The following RTN1 variants were observed in gnomAD, a reference collection of about 807,000 sequenced individuals.
RTN1 encodes reticulon 1, also known as reticulon-1.
A neutral mutation model predicts 65.5 loss-of-function variants in RTN1; 25 were observed. The observed-to-expected ratio is 0.38, with a 90% CI of 0.28 to 0.53. The LOEUF is 0.53. Among genes scored for constraint, RTN1 ranks in the 20% least tolerant of loss-of-function variants. The probability of loss-of-function intolerance (pLI) is 0.79; values close to 1 mark genes in which losing one functional copy is unlikely to be tolerated. For missense variants in RTN1, 983 were observed against 1,025.4 expected, an observed-to-expected ratio of 0.96 and a Z score of 0.57; for synonymous variants, 471 against 447.6, an observed-to-expected ratio of 1.05 and a Z score of -0.66.
intron 3 of RTN1, among the ~76,000 whole-genome samples, chr14:59,629,373 A>G (rs1004566727): frequency 6.6e-6 from 1 of 152,214 alleles, no homozygotes; most frequent in African/African-American, 2.4e-5. Flanking sequence ...ATTAAAGATA[A>G]AAGGACATCC....
chr14:59,745,603 A>T lies in RTN1; in HGVS notation c.1015+105T>A, dbSNP rs1474103432. 9 of 972,982 alleles carry T rather than the reference A, an allele frequency of 9.2e-6. No homozygotes were observed. In the South Asian group the frequency reaches 1.4e-4, roughly 16 times the overall value. 60.3% of individuals were successfully genotyped at this position (972,982 alleles called of 1,614,324 possible). A position where few individuals can be genotyped will look rare whatever the true frequency, so the allele number is the denominator to read the frequency against. On this transcript the variant is annotated intron_variant, in intron 2 of 8. Transcript: ENST00000267484. ...TAAATGAAATTTAAGGGGTCCAGAT[A>T]GTAAAGTATGTTGAATGAAAATTGT...
intron 1 of RTN1, among the ~76,000 whole-genome samples, chr14:59,752,037 T>C (rs1046878670): frequency 1.3e-5 from 2 of 152,132 alleles, no homozygotes; most frequent in Non-Finnish European, 2.9e-5. Context: ...GCTCCACTAA[T>C]ATAAACTACC....
intron 1 of RTN1, among the ~76,000 whole-genome samples, chr14:59,748,539 G>C (rs1487475626): frequency 1.3e-5 from 2 of 151,770 alleles, no homozygotes; most frequent in Non-Finnish European, 2.9e-5. Context: ...CCCACTCCTG[G>C]CAATCCTATT....
At chr14:59,610,649 T>G (rs1004661097) in intron 3 of RTN1, among the ~76,000 whole-genome samples, 19 of 152,208 alleles carry the variant, frequency 1.2e-4, no homozygotes, top group Admixed American at 5.2e-4. Context: ...TTAGGAGAAA[T>G]TTAGTTTATA....
intron 2 of RTN1, among the ~76,000 whole-genome samples, chr14:59,729,829 A>G (rs1884861819): frequency 6.6e-6 from 1 of 152,172 alleles, no homozygotes; most frequent in South Asian, 2.1e-4. Flanking sequence ...ACCTACATAG[A>G]AAGCATACCC....
At chr14:59,792,421 C>T (rs577340615) in intron 1 of RTN1, among the ~76,000 whole-genome samples, 6 of 151,696 alleles carry the variant, frequency 4.0e-5, no homozygotes, top group African/African-American at 1.5e-4. Context: ...GATCCACTAA[C>T]ATGCATGGAT....
At position 59,791,466 on chromosome 14, in the gene RTN1, C is replaced by T. The variant is rs1022409831; in HGVS notation, c.242-44985G>A. Among the ~76,000 whole-genome samples, 47 of 152,186 alleles carry T rather than the reference C, an allele frequency of 3.1e-4. 1 individual carries two copies. Among genetic ancestry groups the T allele is most frequent in the Non-Finnish European group, 6.2e-4 (42 of 68,028 alleles). On this transcript the variant is annotated intron_variant, in intron 1 of 8. Transcript: ENST00000267484. ...TGCTGCACCTGGGTGCACATTGTCT[C>T]ATTCCCCGTTTGACAAGGGGTGTTA...
intron 3 of RTN1, among the ~76,000 whole-genome samples, chr14:59,676,137 T>C (rs1281257874): frequency 1.3e-5 from 2 of 152,098 alleles, no homozygotes; most frequent in African/African-American, 4.8e-5. Context: ...TCCAGAAACA[T>C]CCATTAAATA....
chr14:59,692,756 T>C (rs1027939390), intron 3 of RTN1, among the ~76,000 whole-genome samples: 1 of 152,086 alleles, frequency 6.6e-6, no homozygotes, highest in Non-Finnish European at 1.5e-5. Flanking sequence ...GAAATAAAAC[T>C]GCACACCTAC....
chr14:59,644,614 G>A (rs1346254351), intron 3 of RTN1, among the ~76,000 whole-genome samples: 1 of 152,188 alleles, frequency 6.6e-6, no homozygotes, highest in African/African-American at 2.4e-5. Context: ...CTGAATCCAG[G>A]GGACTGAGCA....
intron 3 of RTN1, among the ~76,000 whole-genome samples, chr14:59,698,562 G>C (rs1884111714): frequency 6.6e-6 from 1 of 152,128 alleles, no homozygotes; most frequent in Non-Finnish European, 1.5e-5. Context: ...CATGAGATCT[G>C]TTGGTTTTAA....
intron 3 of RTN1, among the ~76,000 whole-genome samples, chr14:59,720,592 G>A (rs1012720263): frequency 6.6e-6 from 1 of 152,020 alleles, no homozygotes; most frequent in African/African-American, 2.4e-5. Flanking sequence ...GCATGGTGGT[G>A]CATGCCTGTA....
intron 3 of RTN1, among the ~76,000 whole-genome samples, chr14:59,617,339 T>C (rs1882130748): frequency 6.6e-6 from 1 of 152,218 alleles, no homozygotes; most frequent in Non-Finnish European, 1.5e-5. Flanking sequence ...ACCTCATAGG[T>C]ATTAAAGGGT....
intron 3 of RTN1, among the ~76,000 whole-genome samples, chr14:59,661,210 G>T (rs1883237793): frequency 8.6e-6 from 1 of 116,760 alleles, no homozygotes; most frequent in South Asian, 2.8e-4. Flanking sequence ...TCCCTGAACA[G>T]ACCAATATCA....
rs184395621 is a variant in RTN1, at chr14:59,645,476, G to A, written c.1766-37984C>T. Among the ~76,000 whole-genome samples, 63 of 150,878 alleles carry A rather than the reference G, an allele frequency of 4.2e-4. No individual in the cohort carries two copies. The South Asian group carries it at 5.8e-3, about 14-fold the overall frequency. On this transcript the variant is annotated intron_variant, in intron 3 of 8. Transcript: ENST00000267484. The stretch of plus-strand genomic sequence containing the variant: ...GTTTGTTACATGAGTCCCTGTTCCC[G>A]TATCTCCTCACTGGGCAGGTTCTCC...
At chr14:59,785,568 G>T (rs1886236150) in intron 1 of RTN1, among the ~76,000 whole-genome samples, 1 of 152,162 alleles carries the variant, frequency 6.6e-6, no homozygotes, top group African/African-American at 2.4e-5. Flanking sequence ...AATCTGGCTT[G>T]CATATCAAAT....
intron 1 of RTN1, among the ~76,000 whole-genome samples, chr14:59,751,671 C>T (rs1458338754): frequency 6.6e-6 from 1 of 152,138 alleles, no homozygotes; most frequent in Admixed American, 6.5e-5. Flanking sequence ...TCATTATCAT[C>T]CAAATCTCAC....
chr14:59,821,083 T>C (rs575004355), intron 1 of RTN1, among the ~76,000 whole-genome samples: 6 of 152,346 alleles, frequency 3.9e-5, no homozygotes, highest in Non-Finnish European at 5.9e-5. Context: ...TAGCACTGAA[T>C]CTTTAAATTG....
chr14:59,644,682 G>A (rs1882852395), intron 3 of RTN1, among the ~76,000 whole-genome samples: 1 of 152,228 alleles, frequency 6.6e-6, no homozygotes, highest in South Asian at 2.1e-4. Context: ...CCACTGGTTT[G>A]GAAGTCTAGC....
Sources: gnomAD v4.1 joint callset for allele counts (sites outside exome capture counted in the v4.1 genomes callset) on GRCh38, gnomAD v4.1.1 for gene constraint, MANE v1.5 for transcripts, NCBI Gene and HGNC (gene_info 2026-07-23, HGNC 2026-07-21) for gene names.